Variants in PPP4R4 observed in about 807,000 individuals in gnomAD.
The protein encoded by PPP4R4 is protein phosphatase 4 regulatory subunit 4, also known as serine/threonine-protein phosphatase 4 regulatory subunit 4.
In PPP4R4, 70 loss-of-function variants were observed where a neutral mutation model predicts 121.8. The ratio of observed to expected loss-of-function variants is 0.57; its 90% CI spans 0.47 to 0.70. The LOEUF (loss-of-function observed/expected upper bound fraction) is 0.70. Ranked by LOEUF, PPP4R4 falls within the 30% of genes least tolerant of loss-of-function variation. The pLI, the probability that PPP4R4 is intolerant of heterozygous loss-of-function variation, is 0.00. For synonymous variants in PPP4R4, 348 were observed against 355.7 expected (o/e 0.98, Z 0.24); for missense variants, 875 against 1,033.6 (o/e 0.85, Z 2.10).
chr14:94,259,192 G>A (rs549309191), intron 18 of PPP4R4, 103 bp from the exon 19 acceptor site: 2 of 1,490,554 alleles, frequency 1.3e-6, no homozygotes, highest in East Asian at 5.0e-5. Context: ...AATTTGGATG[G>A]GGACACAGAG....
intron 2 of PPP4R4, among the ~76,000 whole-genome samples, chr14:94,198,898 C>A (rs1890018802): frequency 6.6e-6 from 1 of 152,186 alleles, no homozygotes; most frequent in African/African-American, 2.4e-5. Context: ...TATTGCACGA[C>A]ATTGTCTGTT....
At chr14:94,182,600 A>G (rs1383860143) in intron 2 of PPP4R4, among the ~76,000 whole-genome samples, 1 of 152,224 alleles carries the variant, frequency 6.6e-6, no homozygotes, top group Non-Finnish European at 1.5e-5. Context: ...GCATGGAGCA[A>G]CAGATTGTTC....
intron 2 of PPP4R4, among the ~76,000 whole-genome samples, chr14:94,178,131 G>T (rs1465353631): frequency 1.3e-5 from 2 of 152,154 alleles, no homozygotes; most frequent in Non-Finnish European, 2.9e-5. Flanking sequence ...GAGGGGACAG[G>T]ATTGTTTCAT....
At position 94,228,043 on chromosome 14, in the gene PPP4R4, A is replaced by G. The variant is rs575679541; in HGVS notation, c.295-2544A>G. Among the ~76,000 whole-genome samples, 15 of 152,288 alleles carry G rather than the reference A, an allele frequency of 9.8e-5. No homozygotes were observed. The East Asian group carries it at 2.5e-3, about 25-fold the overall frequency. ...CTCTTTCTCTCAGCCAAGAACTCTCATGATATGTAACTGACTTTTGGTTGA... is the reference window on the plus strand; with the variant it reads ...CTCTTTCTCTCAGCCAAGAACTCTCGTGATATGTAACTGACTTTTGGTTGA... On this transcript the variant is annotated intron_variant, in intron 3 of 24. Coordinates refer to ENST00000304338, the MANE Select transcript of PPP4R4 (RefSeq NM_058237.2).
chr14:94,192,937 G>A (rs1595457858), intron 2 of PPP4R4, among the ~76,000 whole-genome samples: 2 of 152,272 alleles, frequency 1.3e-5, no homozygotes, highest in African/African-American at 4.8e-5. Flanking sequence ...AGATAATATT[G>A]TTAGTACCTG....
intron 2 of PPP4R4, among the ~76,000 whole-genome samples, chr14:94,197,289 AG>A (rs145217354): frequency 0.017 from 2,534 of 152,262 alleles, 32 homozygotes; most frequent in Non-Finnish European, 0.025. Context: ...CAGCTGTTGG[AG>A]GATACAAAAC....
chr14:94,247,111 T>C (rs1432556660), intron 14 of PPP4R4, among the ~76,000 whole-genome samples: 1 of 152,194 alleles, frequency 6.6e-6, no homozygotes, highest in Non-Finnish European at 1.5e-5. Context: ...CAAAACAAGG[T>C]GGCACTCAAG....
rs779976184 is a variant in PPP4R4, at chr14:94,278,680, C to T, written c.*37C>T. The T allele has an allele frequency of 6.5e-7, 1 of 1,541,456 alleles. No homozygotes were observed. Among genetic ancestry groups the T allele is most frequent in the Admixed American group, 1.8e-5 (1 of 54,716 alleles). ...GATGAAGGAGGCAAAACAAAGGCAG[C>T]AGGAGATAATGTGATTGGTACACAA... On this transcript the variant is annotated 3_prime_UTR_variant, in exon 25 of 25. Coordinates refer to ENST00000304338, the MANE Select transcript of PPP4R4 (RefSeq NM_058237.2).
At chr14:94,242,016 A>G in intron 10 of PPP4R4, 59 bp downstream of exon 10, 4 of 1,461,862 alleles carry the variant, frequency 2.7e-6, no homozygotes, top group Non-Finnish European at 3.7e-6. Flanking sequence ...AAATATGTGC[A>G]TAGATGGCAT....
chr14:94,242,210 G>T, intron 10 of PPP4R4, 79 bp from the exon 11 acceptor site: 2 of 1,469,624 alleles, frequency 1.4e-6, no homozygotes, highest in East Asian at 2.3e-5. Flanking sequence ...TTCAATTTAA[G>T]TGAAACGATT....
intron 3 of PPP4R4, among the ~76,000 whole-genome samples, chr14:94,220,717 A>G (rs1294436600): frequency 1.3e-5 from 2 of 152,220 alleles, no homozygotes; most frequent in African/African-American, 4.8e-5. Context: ...ACTATAGAAC[A>G]TTTCTGAGAG....
Position 94,174,561 on chromosome 14 carries a change from G to T in PPP4R4, c.96G>T (p.Arg32Ser). 1 of 1,611,904 alleles carries T rather than the reference G, an allele frequency of 6.2e-7. No individual in the cohort carries two copies. The highest frequency in any genetic ancestry group is 8.5e-7 in the Non-Finnish European group (1 of 1,179,128). Residue 32 changes from arginine to serine, a missense_variant, in exon 1 of 25, where the codon AGG becomes AGT. By Grantham distance (110) the Arg-to-Ser change is moderately radical. Transcript: ENST00000304338. ...EDLQELTIIERPVRRSLKTPE... is the reference protein window; with the variant it reads ...EDLQELTIIESPVRRSLKTPE... ...TGCAGGAGCTCACCATCATCGAGAG[G>T]CCGGTCCGCCGGAGCCTCAAGGTGC...
intron 3 of PPP4R4, among the ~76,000 whole-genome samples, chr14:94,212,149 A>AT (rs781310263): frequency 6.6e-6 from 1 of 152,074 alleles, no homozygotes; most frequent in Non-Finnish European, 1.5e-5. Flanking sequence ...AGTAATGGAG[A>AT]TTTTGCTGGC....
chr14:94,244,278 G>C (rs916649477), intron 11 of PPP4R4, among the ~76,000 whole-genome samples: 3 of 152,176 alleles, frequency 2.0e-5, no homozygotes, highest in Non-Finnish European at 4.4e-5. Context: ...ATGAACACTT[G>C]TATGCCTAGG....
intron 24 of PPP4R4, among the ~76,000 whole-genome samples, chr14:94,276,025 C>T (rs1208319711): frequency 6.6e-6 from 1 of 151,936 alleles, no homozygotes; most frequent in African/African-American, 2.4e-5. Flanking sequence ...CCTTTTCCCC[C>T]ATGATTCCTT....
intron 7 of PPP4R4, among the ~76,000 whole-genome samples, chr14:94,235,278 C>T (rs565598861): frequency 8.0e-4 from 121 of 151,530 alleles, no homozygotes; most frequent in Non-Finnish European, 1.3e-3. Flanking sequence ...GTTAAATCCA[C>T]AGATGTGGAA....
intron 22 of PPP4R4, 75 bp downstream of exon 22, chr14:94,265,962 T>G (rs769516392): frequency 5.0e-6 from 5 of 1,005,116 alleles, no homozygotes; most frequent in Non-Finnish European, 5.7e-6. Context: ...TGAGTTTACA[T>G]TTTATAAAAA....
At chr14:94,221,038 G>A (rs1891361639) in intron 3 of PPP4R4, among the ~76,000 whole-genome samples, 1 of 152,140 alleles carries the variant, frequency 6.6e-6, no homozygotes, top group African/African-American at 2.4e-5. Flanking sequence ...TGTAAAGACA[G>A]ATAAAGTAAT....
At position 94,279,566 on chromosome 14, in the gene PPP4R4, G is replaced by A. The variant is rs1218434734; in HGVS notation, c.*923G>A. 1 of 152,452 alleles carries A rather than the reference G, an allele frequency of 6.6e-6. No homozygotes were observed. The highest frequency in any genetic ancestry group is 2.4e-5 in the African/African-American group (1 of 41,374). 9.4% of individuals were successfully genotyped at this position (152,452 alleles called of 1,614,324 possible). On this transcript the variant is annotated 3_prime_UTR_variant, in exon 25 of 25. Coordinates refer to ENST00000304338, the MANE Select transcript of PPP4R4 (RefSeq NM_058237.2). Reference sequence around the variant, plus strand: ...ATTGTCAGCTTCTCTATTTCAAAATGCAATCAGCATATAACTATATTGATA... The same window carrying A: ...ATTGTCAGCTTCTCTATTTCAAAATACAATCAGCATATAACTATATTGATA...
Sources: allele counts gnomAD v4.1 joint callset (sites outside exome capture counted in the v4.1 genomes callset), GRCh38; gene constraint gnomAD v4.1.1; transcripts MANE v1.5; gene names NCBI Gene and HGNC (gene_info 2026-07-23, HGNC 2026-07-21).